The following ZNF395 variants were observed in gnomAD, a reference collection of about 807,000 sequenced individuals.
ZNF395 encodes the protein zinc finger protein 395.
Under a neutral mutation model 57.7 loss-of-function variants are expected in ZNF395, and 20 were observed. The ratio of observed to expected loss-of-function variants is 0.35; its 90% CI spans 0.24 to 0.50. The LOEUF (loss-of-function observed/expected upper bound fraction) is 0.50, where lower values mean the gene tolerates loss of function less well. Ranked by LOEUF, ZNF395 falls within the 20% of genes least tolerant of loss-of-function variation. The pLI, the probability that ZNF395 is intolerant of heterozygous loss-of-function variation, is 0.97. For missense variants in ZNF395, 606 were observed against 671.2 expected, an observed-to-expected ratio of 0.90 and a Z score of 1.07; for synonymous variants, 295 against 275.9, an observed-to-expected ratio of 1.07 and a Z score of -0.69.
intron 1 of ZNF395, among the ~76,000 whole-genome samples, chr8:28,368,725 TA>T (rs967069071): frequency 6.6e-6 from 1 of 151,512 alleles, no homozygotes; most frequent in Non-Finnish European, 1.5e-5. Context: ...GTGAGAGTTT[TA>T]AAAGCCTAAC....
chr8:28,347,737 C>T lies in ZNF395; in HGVS notation c.*982G>A, dbSNP rs1372593010. On this transcript the variant is annotated 3_prime_UTR_variant, in exon 10 of 10. Transcript: ENST00000344423. ...AGGAGACAGAAAGGAACCTCCAGAA[C>T]CTCCCTGGGTCTCTCCCGGCCACCC... 6.6e-6 allele frequency: 1 copy of T among 152,254 alleles called. No individual in the cohort carries two copies. Among genetic ancestry groups the T allele is most frequent in the African/African-American group, 2.4e-5 (1 of 41,432 alleles). The allele number at this position is 152,254 out of a possible 1,614,324, so 9.4% of individuals were successfully genotyped here.
At chr8:28,372,382 G>C (rs976315292) in intron 1 of ZNF395, among the ~76,000 whole-genome samples, 4 of 152,172 alleles carry the variant, frequency 2.6e-5, no homozygotes, top group African/African-American at 9.7e-5. Context: ...CCAAATCCCG[G>C]GCAGTGAAGA....
chr8:28,372,553 C>T (rs754266513), intron 1 of ZNF395, among the ~76,000 whole-genome samples: 24 of 152,254 alleles, frequency 1.6e-4, no homozygotes, highest in African/African-American at 5.1e-4. Context: ...TTCGGGAGGC[C>T]GAGGCAGAGG....
At chr8:28,385,924 CCGCGGGCG>C in intron 1 of ZNF395, 1 of 145,236 alleles carries the variant, frequency 6.9e-6, no homozygotes, top group South Asian at 2.1e-4. Context: ...GGCCCGACAG[CCGCGGGCG>C]CGCGGGGCGT....
chr8:28,381,050 TGTGTGTG>T (rs1341374469), intron 1 of ZNF395, among the ~76,000 whole-genome samples: 9 of 148,956 alleles, frequency 6.0e-5, no homozygotes, highest in Non-Finnish European at 1.2e-4. Flanking sequence ...TGTGTGTGTG[TGTGTGTG>T]TTTTGACGGA....
At chr8:28,366,813 T>TA (rs1382530285) in intron 1 of ZNF395, among the ~76,000 whole-genome samples, 22 of 105,464 alleles carry the variant, frequency 2.1e-4, no homozygotes, top group African/African-American at 9.6e-4. Context: ...CAAAGAAAGT[T>TA]TAAAAAAAAA....
rs1279415727 is a variant in ZNF395, at chr8:28,352,693, G to A, written c.820-20C>T. ...AGAGTTCTACAGGAAAGGAAGACAG[G>A]GTGAGTGGATATGTCTTTCTCCTTA... On this transcript the variant is annotated intron_variant, in intron 5 of 9. Transcript: ENST00000344423. This position sits in a 1 kb window ranked among gnomAD's most constrained non-coding sequence, Gnocchi z 4.0. The A allele has an allele frequency of 6.3e-7, 1 of 1,596,322 alleles. No individual in the cohort carries two copies. The highest frequency in any genetic ancestry group is 1.1e-5 in the South Asian group (1 of 90,668).
At chr8:28,355,295 T>C (rs1333975394) in intron 4 of ZNF395, among the ~76,000 whole-genome samples, 2 of 152,224 alleles carry the variant, frequency 1.3e-5, no homozygotes, top group African/African-American at 4.8e-5. Flanking sequence ...AAATAGTATC[T>C]ACGACTCTCT....
At chr8:28,374,348 G>T (rs1035088129) in intron 1 of ZNF395, among the ~76,000 whole-genome samples, 2 of 152,172 alleles carry the variant, frequency 1.3e-5, no homozygotes, top group Non-Finnish European at 2.9e-5. Context: ...GGACCTCTGG[G>T]GAAGGGACTG....
chr8:28,384,806 G>A (rs1185970698), intron 1 of ZNF395, among the ~76,000 whole-genome samples: 3 of 152,134 alleles, frequency 2.0e-5, no homozygotes, highest in African/African-American at 7.2e-5. Context: ...CACTAACTCA[G>A]GCAGCCACTG....
chr8:28,349,032 C>A (rs1474754711), intron 9 of ZNF395, 93 bp downstream of exon 9: 289 of 1,329,022 alleles, frequency 2.2e-4, no homozygotes, highest in Non-Finnish European at 9.8e-5. Flanking sequence ...TGGGGACTAA[C>A]CCTGGTGACT....
chr8:28,377,650 CT>C (rs1802057282), intron 1 of ZNF395, among the ~76,000 whole-genome samples: 1 of 151,688 alleles, frequency 6.6e-6, no homozygotes, highest in African/African-American at 2.4e-5. Context: ...TTCAAGGTCA[CT>C]CCACATTCTC....
chr8:28,352,509 A>C lies in ZNF395; in HGVS notation c.920+64T>G. 1 of 1,441,122 alleles carries C rather than the reference A, an allele frequency of 6.9e-7. No individual in the cohort carries two copies. Among genetic ancestry groups the C allele is most frequent in the Non-Finnish European group, 9.7e-7 (1 of 1,029,860 alleles). 89.3% of individuals were successfully genotyped at this position (1,441,122 alleles called of 1,614,324 possible). A position where few individuals can be genotyped will look rare whatever the true frequency, so the allele number is the denominator to read the frequency against. Reference sequence around the variant, plus strand: ...GCACTGTGGGCTGTGGGTCACAGGGACTCGGCAGGGTGGAGGGACACCCAC... The same window carrying C: ...GCACTGTGGGCTGTGGGTCACAGGGCCTCGGCAGGGTGGAGGGACACCCAC... On this transcript the variant is annotated intron_variant, in intron 6 of 9. Coordinates refer to ENST00000344423, the MANE Select transcript of ZNF395 (RefSeq NM_018660.3). The surrounding 1 kb of genome is among the most constrained non-coding windows in gnomAD (Gnocchi z 4.0).
chr8:28,384,645 T>C (rs1302657529), intron 1 of ZNF395, among the ~76,000 whole-genome samples: 1 of 152,188 alleles, frequency 6.6e-6, no homozygotes, highest in Non-Finnish European at 1.5e-5. Context: ...CTTTGTAAAT[T>C]ATCCCACCTG....
At chr8:28,364,029 G>C (rs996123065) in intron 1 of ZNF395, among the ~76,000 whole-genome samples, 1 of 152,188 alleles carries the variant, frequency 6.6e-6, no homozygotes, top group Non-Finnish European at 1.5e-5. Flanking sequence ...AAAAGCAGAA[G>C]AGAAAGAAGG....
chr8:28,352,559 G>A lies in ZNF395; in HGVS notation c.920+14C>T, dbSNP rs1801729176. ...CACGCGACCCTAGGCTAGAGGCCCT[G>A]GGCTCGCACATACCCCAGATGGAGG... is the stretch of plus-strand genomic sequence containing the variant. On this transcript the variant is annotated intron_variant, in intron 6 of 9. Coordinates refer to ENST00000344423, the MANE Select transcript of ZNF395 (RefSeq NM_018660.3). This position sits in a 1 kb window ranked among gnomAD's most constrained non-coding sequence, Gnocchi z 4.0. The A allele has an allele frequency of 1.2e-6, 2 of 1,612,406 alleles. No homozygotes were observed. Among genetic ancestry groups the A allele is most frequent in the Admixed American group, 1.7e-5 (1 of 59,990 alleles).
intron 1 of ZNF395, among the ~76,000 whole-genome samples, chr8:28,362,702 C>T (rs1188917872): frequency 6.6e-6 from 1 of 152,224 alleles, no homozygotes; most frequent in African/African-American, 2.4e-5. Flanking sequence ...ATCTCCACAC[C>T]TCCCAAATCC....
chr8:28,363,131 GT>G (rs71549659), intron 1 of ZNF395, among the ~76,000 whole-genome samples: 140 of 144,800 alleles, frequency 9.7e-4, no homozygotes, highest in Admixed American at 1.4e-3. Context: ...TTTTGTTTGG[GT>G]TTTTTTTTTT....
In ZNF395 at chr8:28,359,357, A is replaced by G. The variant is rs2129956909; in HGVS notation, c.473+235T>C. 6.6e-6 allele frequency among the ~76,000 whole-genome samples: 1 copy of G among 152,312 alleles called. No individual in the cohort carries two copies. The highest frequency in any genetic ancestry group is 2.4e-5 in the African/African-American group (1 of 41,570). Reference sequence around the variant, plus strand: ...GCAGAGGTTGCAGTGAGCCGAGATCATGCCACTGAACTCCAGCCTAGGTGA... The same window carrying G: ...GCAGAGGTTGCAGTGAGCCGAGATCGTGCCACTGAACTCCAGCCTAGGTGA... On this transcript the variant is annotated intron_variant, in intron 3 of 9. Transcript: ENST00000344423. This position sits in a 1 kb window ranked among gnomAD's most constrained non-coding sequence, Gnocchi z 4.7.
Sources: allele counts gnomAD v4.1 joint callset (sites outside exome capture counted in the v4.1 genomes callset), GRCh38; gene constraint gnomAD v4.1.1; non-coding constraint Gnocchi (gnomAD v3.1); transcripts MANE v1.5; gene names NCBI Gene and HGNC (gene_info 2026-07-23, HGNC 2026-07-21).